The following BLK variants were observed in gnomAD, a reference collection of about 807,000 sequenced individuals.
BLK encodes tyrosine-protein kinase Blk.
BLK carries 64 observed loss-of-function variants against 61.8 expected under a neutral mutation model. The ratio of observed to expected loss-of-function variants is 1.03; its 90% CI spans 0.85 to 1.27. The LOEUF is 1.27. Ranked by LOEUF, BLK falls within the 50% of genes most tolerant of loss-of-function variation. The probability of loss-of-function intolerance (pLI) is 0.00; values close to 1 mark genes in which losing one functional copy is unlikely to be tolerated. For missense variants in BLK, 853 were observed against 660.5 expected (o/e 1.29, Z -3.19); for synonymous variants, 351 against 272.0 (o/e 1.29, Z -2.86).
chr8:11,541,736 G>T (rs565999967), intron 1 of BLK, among the ~76,000 whole-genome samples: 326 of 152,180 alleles, frequency 2.1e-3, no homozygotes, highest in African/African-American at 7.4e-3. Context: ...GACCTCAAGG[G>T]ATCTGCCCGC....
chr8:11,504,703 G>A (rs546014585), intron 1 of BLK, among the ~76,000 whole-genome samples: 1 of 152,370 alleles, frequency 6.6e-6, no homozygotes, highest in South Asian at 2.1e-4. Context: ...GTTTGAGGAC[G>A]GTCTAAGCGA....
chr8:11,524,088 A>G (rs1320742559), intron 1 of BLK, among the ~76,000 whole-genome samples: 1 of 152,244 alleles, frequency 6.6e-6, no homozygotes, highest in Admixed American at 6.5e-5. Flanking sequence ...TATAACAGCC[A>G]AAAGTTGAAA....
chr8:11,546,584 G>GT (rs1192229582), intron 3 of BLK, among the ~76,000 whole-genome samples: 3 of 151,538 alleles, frequency 2.0e-5, no homozygotes, highest in Non-Finnish European at 4.4e-5. Flanking sequence ...ACTCCACTTG[G>GT]TTTTTTTTGA....
intron 1 of BLK, among the ~76,000 whole-genome samples, chr8:11,496,156 G>C (rs1488813926): frequency 6.6e-6 from 1 of 152,122 alleles, no homozygotes; most frequent in Non-Finnish European, 1.5e-5. Flanking sequence ...CTCTGTATTT[G>C]CCTCTCTTCA....
At chr8:11,551,919 T>A (rs1206683306) in intron 6 of BLK, among the ~76,000 whole-genome samples, 3 of 152,162 alleles carry the variant, frequency 2.0e-5, no homozygotes, top group Non-Finnish European at 4.4e-5. Context: ...CTCTACAACG[T>A]GGCAAGCTAG....
intron 1 of BLK, among the ~76,000 whole-genome samples, chr8:11,524,871 C>G (rs1008937577): frequency 6.8e-6 from 1 of 147,836 alleles, no homozygotes; most frequent in Non-Finnish European, 1.5e-5. Context: ...CTGCTAAAAG[C>G]AGGTCGCAAA....
intron 1 of BLK, among the ~76,000 whole-genome samples, chr8:11,528,169 T>A (rs1315824582): frequency 6.6e-6 from 1 of 152,090 alleles, no homozygotes; most frequent in Admixed American, 6.5e-5. Context: ...CCCAAGTCAT[T>A]GGCACTACAA....
chr8:11,495,704 C>T (rs1396917961), intron 1 of BLK, among the ~76,000 whole-genome samples: 1 of 152,116 alleles, frequency 6.6e-6, no homozygotes, highest in Non-Finnish European at 1.5e-5. Flanking sequence ...GTCAGGACAC[C>T]CAAACCCAGA....
In BLK at chr8:11,530,296, C is replaced by A. The variant is rs191252285; in HGVS notation, c.-1-12928C>A. On this transcript the variant is annotated intron_variant, in intron 1 of 12. Coordinates refer to ENST00000259089, the MANE Select transcript of BLK (RefSeq NM_001715.3). ...AATTCCTTTCTTCTTGAGGTCCCAA[C>A]AAAGCTTGGAGTTCCTGGGCCTGTC... Among the ~76,000 whole-genome samples the A allele has an allele frequency of 2.4e-4, 36 of 152,308 alleles. 1 individual carries two copies. The East Asian group carries it at 6.6e-3, about 28-fold the overall frequency.
chr8:11,521,244 A>T (rs997201864), intron 1 of BLK, among the ~76,000 whole-genome samples: 2 of 152,214 alleles, frequency 1.3e-5, no homozygotes, highest in African/African-American at 4.8e-5. Context: ...CCCTAAAGAT[A>T]TCCTGTATTT....
intron 1 of BLK, among the ~76,000 whole-genome samples, chr8:11,519,033 T>C (rs1402318814): frequency 6.6e-6 from 1 of 152,116 alleles, no homozygotes; most frequent in Non-Finnish European, 1.5e-5. Flanking sequence ...CACTTACCTC[T>C]CCTAGAAATC....
chr8:11,548,994 T>C (rs746893748), intron 4 of BLK, 30 bp from the exon 5 acceptor site: 8 of 1,576,420 alleles, frequency 5.1e-6, no homozygotes, highest in Non-Finnish European at 6.9e-6. Context: ...GGGGCCATGA[T>C]CTCATCTCTG....
At chr8:11,510,136 T>C (rs1798939505) in intron 1 of BLK, among the ~76,000 whole-genome samples, 1 of 152,220 alleles carries the variant, frequency 6.6e-6, no homozygotes, top group African/African-American at 2.4e-5. Flanking sequence ...CTGAATTACA[T>C]CGTGGAGCTG....
chr8:11,521,203 G>C (rs1053495863), intron 1 of BLK, among the ~76,000 whole-genome samples: 2 of 152,098 alleles, frequency 1.3e-5, no homozygotes, highest in Non-Finnish European at 2.9e-5. Context: ...TCTAATATTT[G>C]ATTTGTCAAG....
chr8:11,539,637 C>T (rs866082812), intron 1 of BLK, among the ~76,000 whole-genome samples: 1 of 152,100 alleles, frequency 6.6e-6, no homozygotes, highest in Non-Finnish European at 1.5e-5. Flanking sequence ...TAAAAGATTG[C>T]TTCTTCCAAT....
chr8:11,533,250 T>C (rs1315438172), intron 1 of BLK, among the ~76,000 whole-genome samples: 4 of 152,230 alleles, frequency 2.6e-5, no homozygotes, highest in Non-Finnish European at 5.9e-5. Flanking sequence ...CTTTTCTTTT[T>C]CTTTCTTTAA....
intron 1 of BLK, among the ~76,000 whole-genome samples, chr8:11,498,997 A>G (rs1798462207): frequency 1.3e-5 from 2 of 152,182 alleles, no homozygotes; most frequent in South Asian, 4.1e-4. Flanking sequence ...AAACCTCACA[A>G]AGGAGAGCAT....
intron 1 of BLK, among the ~76,000 whole-genome samples, chr8:11,523,904 A>G (rs948724719): frequency 1.3e-5 from 2 of 151,968 alleles, no homozygotes; most frequent in African/African-American, 4.8e-5. Flanking sequence ...TTCCTTCATC[A>G]CGGTGAGAAT....
intron 10 of BLK, chr8:11,560,123 A>C (rs76738826): frequency 0.09 from 15,461 of 171,778 alleles, 915 homozygotes; most frequent in Non-Finnish European, 0.1. Context: ...GGATGGATGC[A>C]TGGATGGGTG....
Sources: gnomAD v4.1 joint callset for allele counts (sites outside exome capture counted in the v4.1 genomes callset) on GRCh38, gnomAD v4.1.1 for gene constraint, MANE v1.5 for transcripts, NCBI Gene and HGNC (gene_info 2026-07-23, HGNC 2026-07-21) for gene names.